Variants in ZC3H11A observed in about 807,000 individuals in gnomAD.
ZC3H11A encodes zinc finger CCCH-type containing 11A, also known as zinc finger CCCH domain-containing protein 11A.
A neutral mutation model predicts 90.8 loss-of-function variants in ZC3H11A; 22 were observed. That is an observed-to-expected ratio of 0.24 (90% CI 0.17 to 0.35). The LOEUF is 0.35. Among genes scored for constraint, ZC3H11A ranks in the 10% least tolerant of loss-of-function variants. The pLI, the probability that ZC3H11A is intolerant of heterozygous loss-of-function variation, is 1.00. For missense variants in ZC3H11A, 701 were observed against 964.9 expected (o/e 0.73, Z 3.62); for synonymous variants, 294 against 339.8 (o/e 0.87, Z 1.48).
intron 5 of ZC3H11A, 43 bp downstream of exon 5, chr1:203,828,465 C>A: frequency 1.3e-6 from 2 of 1,562,550 alleles, no homozygotes; most frequent in East Asian, 2.4e-5. Context: ...AAATGAACAC[C>A]TATTATGCAC....
At chr1:203,804,053 A>G (rs1260376503) in intron 2 of ZC3H11A, among the ~76,000 whole-genome samples, 2 of 151,844 alleles carry the variant, frequency 1.3e-5, no homozygotes, top group African/African-American at 4.8e-5. Context: ...TTTATTCATT[A>G]TCCAGGTCTT....
At position 203,797,862 on chromosome 1, in the gene ZC3H11A, C is replaced by A. The variant is rs780055148; in HGVS notation, c.-1588+2068C>A. 9 of 1,536,022 alleles carry A rather than the reference C, an allele frequency of 5.9e-6. 1 individual carries two copies. In the South Asian group the frequency reaches 1.1e-4, roughly 18 times the overall value. On this transcript the variant is annotated intron_variant, in intron 1 of 17. Transcript: ENST00000367210. ...TGACCCTGAGCAGGATGAAGAAAGT[C>A]TTTTTGAGAGCAATATAGAAAAACA... is the stretch of plus-strand genomic sequence containing the variant.
chr1:203,810,565 G>A (rs1157460369), intron 2 of ZC3H11A, among the ~76,000 whole-genome samples: 1 of 151,498 alleles, frequency 6.6e-6, no homozygotes, highest in Admixed American at 6.6e-5. Flanking sequence ...GACCACAGGC[G>A]CCCACCACCA....
intron 4 of ZC3H11A, among the ~76,000 whole-genome samples, chr1:203,822,431 C>G (rs549545782): frequency 3.7e-4 from 57 of 152,004 alleles, no homozygotes; most frequent in African/African-American, 1.3e-3. Flanking sequence ...ACTTTTGACC[C>G]CCAACACGAT....
intron 2 of ZC3H11A, among the ~76,000 whole-genome samples, chr1:203,816,097 C>G (rs1676284653): frequency 6.6e-6 from 1 of 152,152 alleles, no homozygotes; most frequent in Non-Finnish European, 1.5e-5. Flanking sequence ...GTTATTCTAG[C>G]TAAACAGGGT....
intron 4 of ZC3H11A, among the ~76,000 whole-genome samples, chr1:203,820,576 C>G: frequency 6.6e-6 from 1 of 151,642 alleles, no homozygotes; most frequent in Non-Finnish European, 1.5e-5. Context: ...CTCCTGAGTT[C>G]ATGTGATTCT....
At chr1:203,832,699 T>A (rs1164595299) in intron 9 of ZC3H11A, among the ~76,000 whole-genome samples, 1 of 152,162 alleles carries the variant, frequency 6.6e-6, no homozygotes. Context: ...TTAAGCCTAA[T>A]AAGGAATTAT....
At chr1:203,839,324 G>C (rs1023288432) in intron 11 of ZC3H11A, among the ~76,000 whole-genome samples, 2 of 152,332 alleles carry the variant, frequency 1.3e-5, no homozygotes, top group East Asian at 3.9e-4. Flanking sequence ...GTACAGGAAT[G>C]CACTATTGCG....
intron 4 of ZC3H11A, among the ~76,000 whole-genome samples, chr1:203,820,466 T>TTGTGTGTCTGTGTGTG (rs144962991): frequency 7.3e-6 from 1 of 136,396 alleles, no homozygotes; most frequent in Admixed American, 6.9e-5. Flanking sequence ...ATATCACAAA[T>TTGTGTGTCTGTGTGTG]TATGTGTGTG....
chr1:203,812,058 C>G (rs1297325083), intron 2 of ZC3H11A, among the ~76,000 whole-genome samples: 1 of 152,108 alleles, frequency 6.6e-6, no homozygotes, highest in Non-Finnish European at 1.5e-5. Context: ...CTCAAGTGAT[C>G]CACCCACCTC....
Position 203,852,267 on chromosome 1 carries a change from C to A in ZC3H11A, c.2301C>A (p.Leu767=), listed in dbSNP as rs756007804. Residue 767 remains leucine (L), a synonymous_variant, in exon 18 of 18, where the codon CTC becomes CTA. Transcript: ENST00000367210. ...LSSASTGKPP[L]SVEDDFEKLI... is the part of the protein sequence containing the mutation. ...CTGCCTCAACAGGAAAGCCCCCACT[C>A]TCTGTGGAGGATGATTTTGAGAAAC... The A allele has an allele frequency of 3.1e-6, 5 of 1,613,698 alleles. No individual in the cohort carries two copies. The South Asian group carries it at 4.4e-5, about 14-fold the overall frequency.
intron 2 of ZC3H11A, among the ~76,000 whole-genome samples, chr1:203,807,949 C>G (rs1027117385): frequency 1.3e-5 from 2 of 151,922 alleles, no homozygotes; most frequent in Non-Finnish European, 2.9e-5. Flanking sequence ...ATTATGTTGC[C>G]CAGGCTGGTC....
At chr1:203,839,151 T>C (rs773888668) in intron 11 of ZC3H11A, among the ~76,000 whole-genome samples, 3 of 152,174 alleles carry the variant, frequency 2.0e-5, no homozygotes, top group Middle Eastern at 3.4e-3. Flanking sequence ...GATTTGGTAT[T>C]TTGGAAGTTG....
chr1:203,796,644 A>G (rs1276645296), intron 1 of ZC3H11A: 2 of 393,768 alleles, frequency 5.1e-6, no homozygotes, highest in Non-Finnish European at 8.9e-6. Context: ...GGATCAATCG[A>G]AAAATGGAAG....
Position 203,847,399 on chromosome 1 carries a change from G to A in ZC3H11A, c.1258G>A (p.Ala420Thr), listed in dbSNP as rs764253083. The A allele has an allele frequency of 2.1e-5, 34 of 1,613,794 alleles. No individual in the cohort carries two copies. Among genetic ancestry groups the A allele is most frequent in the Non-Finnish European group, 2.7e-5 (32 of 1,179,858 alleles). Residue 420 changes from alanine to threonine, a missense_variant, in exon 13 of 18, where the codon GCA becomes ACA. Ala to Thr is a moderately conservative substitution (Grantham distance 58). Transcript: ENST00000367210. ...TGAAAAAAAACATCGGCAGCAGGAA[G>A]CAGAGAGACAAAAAAGCAAAAAGGA... Reference protein sequence around the residue: ...LAEKKHRQQEAERQKSKKDTT... With the variant: ...LAEKKHRQQETERQKSKKDTT...
chr1:203,846,430 A>G (rs1392748840), intron 12 of ZC3H11A, among the ~76,000 whole-genome samples: 1 of 151,946 alleles, frequency 6.6e-6, no homozygotes, highest in Non-Finnish European at 1.5e-5. Flanking sequence ...CACCTGTTTT[A>G]CCTTCTTTTT....
chr1:203,799,496 C>G, intron 1 of ZC3H11A: 1 of 702,992 alleles, frequency 1.4e-6, no homozygotes, highest in Non-Finnish European at 2.6e-6. Context: ...TAAAATGGCT[C>G]TTGGAGCATT....
rs116656269 is a variant in ZC3H11A, at chr1:203,809,580, T to G, written c.-146+6564T>G. Among the ~76,000 whole-genome samples, 631 of 152,304 alleles carry G rather than the reference T, an allele frequency of 4.1e-3. 1 individual carries two copies. Among genetic ancestry groups the G allele is most frequent in the Non-Finnish European group, 6.5e-3 (443 of 68,018 alleles). On this transcript the variant is annotated intron_variant, in intron 2 of 17. Transcript: ENST00000367210. Reference sequence around the variant, plus strand: ...AAATAATATGTCCTTTTTCCTACATTAACTTCTAGAGAGTGGGTTGAGAAA... The same window carrying G: ...AAATAATATGTCCTTTTTCCTACATGAACTTCTAGAGAGTGGGTTGAGAAA...
chr1:203,805,646 A>C (rs11810904), intron 2 of ZC3H11A: 1 of 703,294 alleles, frequency 1.4e-6, no homozygotes, highest in Non-Finnish European at 2.6e-6. Flanking sequence ...TGGCAATCCA[A>C]ATTCATCCAC....
Sources: allele counts gnomAD v4.1 joint callset (sites outside exome capture counted in the v4.1 genomes callset), GRCh38; gene constraint gnomAD v4.1.1; transcripts MANE v1.5; gene names NCBI Gene and HGNC (gene_info 2026-07-23, HGNC 2026-07-21).